RAB3C: variants seen among roughly 807,000 people sequenced by gnomAD.
The protein encoded by RAB3C is RAB3C, member RAS oncogene family.
In RAB3C, 17 loss-of-function variants were observed where a neutral mutation model predicts 26.4. The ratio of observed to expected loss-of-function variants is 0.64; its 90% confidence interval spans 0.44 to 0.97. RAB3C has a LOEUF of 0.97. RAB3C is among the 50% of genes least tolerant of loss of function. The probability of loss-of-function intolerance (pLI) is 0.00; values close to 1 mark genes in which losing one functional copy is unlikely to be tolerated. For missense variants in RAB3C, 242 were observed against 281.9 expected, an observed-to-expected ratio of 0.86 and a Z score of 1.01; for synonymous variants, 91 against 95.9, an observed-to-expected ratio of 0.95 and a Z score of 0.30.
At chr5:58,787,553 C>T (rs895191347) in intron 3 of RAB3C, among the ~76,000 whole-genome samples, 3 of 152,120 alleles carry the variant, frequency 2.0e-5, no homozygotes, top group Non-Finnish European at 2.9e-5. Flanking sequence ...GGAGAGTTTA[C>T]GCTCTTTGGC....
chr5:58,628,172 A>AC (rs1158119501), intron 2 of RAB3C, among the ~76,000 whole-genome samples: 1 of 151,306 alleles, frequency 6.6e-6, no homozygotes, highest in Non-Finnish European at 1.5e-5. Context: ...AAAAAAAAAA[A>AC]AAAAAACAGT....
intron 2 of RAB3C, among the ~76,000 whole-genome samples, chr5:58,697,992 A>G (rs1561293100): frequency 6.6e-6 from 1 of 152,132 alleles, no homozygotes; most frequent in Non-Finnish European, 1.5e-5. Context: ...TTGTCCGTTA[A>G]TTGATGCAGT....
intron 2 of RAB3C, among the ~76,000 whole-genome samples, chr5:58,707,035 C>G (rs1748955918): frequency 6.6e-6 from 1 of 152,136 alleles, no homozygotes; most frequent in African/African-American, 2.4e-5. Context: ...GAAGTGGGTC[C>G]TCTGGCAGAA....
intron 1 of RAB3C, among the ~76,000 whole-genome samples, chr5:58,597,551 T>C (rs371896792): frequency 3.4e-5 from 4 of 116,668 alleles, no homozygotes; most frequent in Middle Eastern, 0.014. Flanking sequence ...TATAACAATA[T>C]ATAGTTCATT....
intron 2 of RAB3C, among the ~76,000 whole-genome samples, chr5:58,694,492 C>G (rs1322715447): frequency 6.6e-6 from 1 of 152,152 alleles, no homozygotes; most frequent in Admixed American, 6.5e-5. Context: ...AGTTCTAGAT[C>G]CTTGAGGAAT....
chr5:58,695,305 A>G (rs1282917909), intron 2 of RAB3C, among the ~76,000 whole-genome samples: 1 of 152,172 alleles, frequency 6.6e-6, no homozygotes, highest in Non-Finnish European at 1.5e-5. Context: ...GTACCATACC[A>G]TGCTGTTTTG....
intron 3 of RAB3C, among the ~76,000 whole-genome samples, chr5:58,822,105 T>C (rs1468531268): frequency 6.6e-6 from 1 of 152,210 alleles, no homozygotes; most frequent in Admixed American, 6.5e-5. Context: ...TGTTCTTAAA[T>C]AAAAATGTGG....
Position 58,787,653 on chromosome 5 carries a change from G to A in RAB3C, c.372-37385G>A, listed in dbSNP as rs943252970. On this transcript the variant is annotated intron_variant, in intron 3 of 4. Coordinates refer to ENST00000282878, the MANE Select transcript of RAB3C (RefSeq NM_138453.4). Reference sequence around the variant, plus strand: ...ATATCTGCCAGCCTCACTGGGCTGGGACTAGAATCACCTTTAGATACCATG... The same window carrying A: ...ATATCTGCCAGCCTCACTGGGCTGGAACTAGAATCACCTTTAGATACCATG... Among the ~76,000 whole-genome samples the A allele has an allele frequency of 2.4e-4, 36 of 152,136 alleles. 1 individual carries two copies. The highest frequency in any genetic ancestry group is 1.6e-3 in the Admixed American group (24 of 15,276).
chr5:58,827,175 A>G (rs1197587351), intron 4 of RAB3C, among the ~76,000 whole-genome samples: 4 of 152,214 alleles, frequency 2.6e-5, no homozygotes, highest in Non-Finnish European at 4.4e-5. Context: ...GACCTCAGAA[A>G]GATAAGAATG....
chr5:58,718,643 T>G (rs1749223078), intron 2 of RAB3C, among the ~76,000 whole-genome samples: 1 of 152,080 alleles, frequency 6.6e-6, no homozygotes, highest in Non-Finnish European at 1.5e-5. Context: ...ATCAATAAAA[T>G]CTGCTGGTAT....
chr5:58,762,645 A>T (rs1226920134), intron 3 of RAB3C, among the ~76,000 whole-genome samples: 1 of 152,216 alleles, frequency 6.6e-6, no homozygotes, highest in Non-Finnish European at 1.5e-5. Context: ...GTGAGCTGAC[A>T]GCGCCATTGC....
At chr5:58,666,027 T>C (rs942119321) in intron 2 of RAB3C, among the ~76,000 whole-genome samples, 1 of 152,164 alleles carries the variant, frequency 6.6e-6, no homozygotes, top group Non-Finnish European at 1.5e-5. Flanking sequence ...TTTTATTGCC[T>C]GCACTGCAAA....
intron 2 of RAB3C, among the ~76,000 whole-genome samples, chr5:58,662,923 T>C (rs1747933159): frequency 6.6e-6 from 1 of 150,428 alleles, no homozygotes; most frequent in Non-Finnish European, 1.5e-5. Context: ...ATGTCTTTTA[T>C]TGCATGTAAG....
intron 3 of RAB3C, among the ~76,000 whole-genome samples, chr5:58,804,496 T>C (rs1234178652): frequency 6.6e-6 from 1 of 152,202 alleles, no homozygotes; most frequent in Non-Finnish European, 1.5e-5. Context: ...AATCACAAGT[T>C]CACAGTTGCT....
chr5:58,851,666 A>G lies in RAB3C; in HGVS notation c.*315A>G, dbSNP rs1388889379. On this transcript the variant is annotated 3_prime_UTR_variant, in exon 5 of 5. Transcript: ENST00000282878. ...TTCTGGGACATCAGACTATAATCTC[A>G]CTACAACTGGCTTTTGTCCCATTGA... 1.6e-5 allele frequency: 4 copies of G among 243,844 alleles called. No homozygotes were observed. Among genetic ancestry groups the G allele is most frequent in the Non-Finnish European group, 3.1e-5 (4 of 127,502 alleles). The allele number at this position is 243,844 out of a possible 1,614,324, so 15.1% of individuals were successfully genotyped here. A position where few individuals can be genotyped will look rare whatever the true frequency, so the allele number is the denominator to read the frequency against.
intron 3 of RAB3C, among the ~76,000 whole-genome samples, chr5:58,773,779 C>T (rs1321986696): frequency 1.3e-5 from 2 of 152,064 alleles, no homozygotes; most frequent in Non-Finnish European, 2.9e-5. Context: ...CCATCACTCC[C>T]TAGTCCCCCT....
chr5:58,617,703 T>C lies in RAB3C; in HGVS notation c.85T>C (p.Tyr29His). 1 of 1,614,034 alleles carries C rather than the reference T, an allele frequency of 6.2e-7. No homozygotes were observed. The highest frequency in any genetic ancestry group is 8.5e-7 in the Non-Finnish European group (1 of 1,179,924). Residue 29 changes from tyrosine to histidine, a missense_variant, in exon 2 of 5, where the codon TAC (tyrosine) becomes CAC (histidine). Transcript: ENST00000282878. ...QKDSSDQNFD[Y>H]MFKLLIIGNS... ...AGACTCCTCTGATCAGAACTTTGAC[T>C]ACATGTTCAAATTACTCATCATCGG...
At chr5:58,632,668 G>T (rs1462318269) in intron 2 of RAB3C, among the ~76,000 whole-genome samples, 1 of 152,196 alleles carries the variant, frequency 6.6e-6, no homozygotes, top group Non-Finnish European at 1.5e-5. Context: ...TCTTCGAGTG[G>T]CTGTGGACAG....
chr5:58,680,084 A>G (rs1403219256), intron 2 of RAB3C, among the ~76,000 whole-genome samples: 1 of 152,240 alleles, frequency 6.6e-6, no homozygotes, highest in Non-Finnish European at 1.5e-5. Flanking sequence ...AATGAATGGT[A>G]GTAAGGGAAA....
Sources: allele counts gnomAD v4.1 joint callset (sites outside exome capture counted in the v4.1 genomes callset), GRCh38; gene constraint gnomAD v4.1.1; transcripts MANE v1.5; gene names NCBI Gene and HGNC (gene_info 2026-07-23, HGNC 2026-07-21).